The following CEP57 variants were observed in gnomAD, a reference collection of about 807,000 sequenced individuals.
The protein encoded by CEP57 is centrosomal protein 57, also known as centrosomal protein of 57 kDa.
A neutral mutation model predicts 68.0 loss-of-function variants in CEP57; 40 were observed. The observed-to-expected ratio is 0.59, with a 90% CI of 0.46 to 0.77. CEP57 has a LOEUF of 0.77. CEP57 is among the 30% of genes least tolerant of loss of function. CEP57 has a pLI of 0.00. For synonymous variants in CEP57, 219 were observed against 198.7 expected, an observed-to-expected ratio of 1.10 and a Z score of -0.86; for missense variants, 606 against 580.7, an observed-to-expected ratio of 1.04 and a Z score of -0.45.
intron 8 of CEP57, chr11:95,827,229 C>T (rs1862781091): frequency 6.5e-6 from 1 of 153,176 alleles, no homozygotes; most frequent in Non-Finnish European, 1.5e-5. Context: ...TAATTTAGTG[C>T]TTCCTATTAT....
At chr11:95,829,368 T>G (rs1565335545) in intron 10 of CEP57, 37 bp downstream of exon 10, 1 of 1,539,484 alleles carries the variant, frequency 6.5e-7, no homozygotes, top group South Asian at 1.1e-5. Context: ...TTCTAATGAT[T>G]AAGAAAAAAA....
chr11:95,828,778 C>G (rs1433297190), intron 9 of CEP57, among the ~76,000 whole-genome samples: 2 of 152,042 alleles, frequency 1.3e-5, no homozygotes. Flanking sequence ...ATTTCTTGAT[C>G]TAGGCTAGGC....
Position 95,799,265 on chromosome 11 carries a change from AGCAT to A in CEP57, c.81_84del (p.Ser27ArgfsTer10). On this transcript the variant is annotated frameshift_variant, in exon 2 of 11. Coordinates refer to ENST00000325542, the MANE Select transcript of CEP57 (RefSeq NM_014679.5). LOFTEE classifies it high-confidence loss of function. ...TGCTGAGCCATCAAGGTCTAATGGA[AGCAT>A]GGTTCGGCATTCTTCATCTCCATAT... is the stretch of plus-strand genomic sequence containing the variant. The A allele has an allele frequency of 6.2e-7, 1 of 1,614,152 alleles. No homozygotes were observed. Among genetic ancestry groups the A allele is most frequent in the Non-Finnish European group, 8.5e-7 (1 of 1,180,006 alleles).
At chr11:95,821,715 T>C (rs919118877) in intron 6 of CEP57, among the ~76,000 whole-genome samples, 156 bp from the exon 7 acceptor site, 2 of 152,154 alleles carry the variant, frequency 1.3e-5, no homozygotes, top group Non-Finnish European at 2.9e-5. Flanking sequence ...TTGACAAACG[T>C]TGATAGATTG....
chr11:95,826,790 G>T (rs868262595), intron 8 of CEP57: 2 of 152,142 alleles, frequency 1.3e-5, no homozygotes, highest in African/African-American at 4.8e-5. Context: ...TACAAGTTAC[G>T]AGCAAAATAG....
chr11:95,824,198 A>T (rs1200183776), intron 8 of CEP57, among the ~76,000 whole-genome samples: 2 of 151,936 alleles, frequency 1.3e-5, no homozygotes, highest in Non-Finnish European at 2.9e-5. Flanking sequence ...GTAAGCGATG[A>T]TGGCACCACT....
chr11:95,814,224 T>C (rs1011192950), intron 4 of CEP57, among the ~76,000 whole-genome samples: 3 of 149,178 alleles, frequency 2.0e-5, no homozygotes, highest in Non-Finnish European at 4.5e-5. Context: ...AGCTAACTTT[T>C]GTGTGTGTGT....
intron 2 of CEP57, among the ~76,000 whole-genome samples, chr11:95,810,198 T>C (rs1861993726): frequency 6.6e-6 from 1 of 152,140 alleles, no homozygotes; most frequent in Non-Finnish European, 1.5e-5. Context: ...ATGGGACGTA[T>C]CTCAAAACAA....
At chr11:95,799,472 TTAGA>T in intron 2 of CEP57, 84 bp downstream of exon 2, 1 of 1,535,070 alleles carries the variant, frequency 6.5e-7, no homozygotes, top group Non-Finnish European at 9.0e-7. Flanking sequence ...TATTTTGCCA[TTAGA>T]GGAAAATATA....
At chr11:95,818,109 G>T (rs1417852348) in intron 5 of CEP57, 2 of 531,062 alleles carry the variant, frequency 3.8e-6, no homozygotes, top group African/African-American at 1.9e-5. Context: ...GAAAATGTTT[G>T]TTAAAAAATT....
intron 2 of CEP57, among the ~76,000 whole-genome samples, chr11:95,809,485 CAAAT>C (rs1472691149): frequency 6.6e-6 from 1 of 152,108 alleles, no homozygotes; most frequent in East Asian, 1.9e-4. Context: ...CGAGAAGAAT[CAAAT>C]AGATGCAATA....
intron 2 of CEP57, among the ~76,000 whole-genome samples, chr11:95,811,070 C>A (rs1268416368): frequency 6.6e-6 from 1 of 152,176 alleles, no homozygotes; most frequent in Admixed American, 6.5e-5. Flanking sequence ...TTTGACCCAG[C>A]CATCCCATTA....
At chr11:95,804,086 C>T (rs1006989319) in intron 2 of CEP57, among the ~76,000 whole-genome samples, 5 of 152,070 alleles carry the variant, frequency 3.3e-5, no homozygotes, top group African/African-American at 4.8e-5. Context: ...TGAAATTTAT[C>T]AGGTATGACA....
At chr11:95,808,347 G>A (rs1404805051) in intron 2 of CEP57, among the ~76,000 whole-genome samples, 2 of 151,402 alleles carry the variant, frequency 1.3e-5, no homozygotes, top group Non-Finnish European at 2.9e-5. Context: ...ATAATGATAG[G>A]ATCAAATTCA....
At chr11:95,829,381 AC>A in intron 10 of CEP57, 50 bp downstream of exon 10, 1 of 1,555,456 alleles carries the variant, frequency 6.4e-7, no homozygotes, top group South Asian at 1.1e-5. Flanking sequence ...GAAAAAAAAA[AC>A]ACTTTAATTC....
chr11:95,799,221 T>C lies in CEP57; in HGVS notation c.46-11T>C, dbSNP rs1298510341. The C allele has an allele frequency of 1.2e-6, 2 of 1,613,876 alleles. No individual in the cohort carries two copies. Among genetic ancestry groups the C allele is most frequent in the Admixed American group, 3.3e-5 (2 of 60,000 alleles). On this transcript the variant is annotated splice_polypyrimidine_tract_variant and intron_variant, in intron 1 of 10. Coordinates refer to ENST00000325542, the MANE Select transcript of CEP57 (RefSeq NM_014679.5). ...CACTTTTGAAAGGTAATTTGTGTCT[T>C]TATTTTTTAGAACAGCTTTGCTGAG...
At chr11:95,823,077 A>G (rs1862580833) in intron 8 of CEP57, 1 of 169,086 alleles carries the variant, frequency 5.9e-6, no homozygotes, top group Non-Finnish European at 1.3e-5. Context: ...GTCATATATC[A>G]AGTACTGAGT....
rs1353460906 is a variant in CEP57, at chr11:95,790,658, AC to A, written c.-39del. On this transcript the variant is annotated 5_prime_UTR_variant, in exon 1 of 11. Coordinates refer to ENST00000325542, the MANE Select transcript of CEP57 (RefSeq NM_014679.5). ...CTTGGAGAAGAGCACGAGAACCTAG[AC>A]CGCCCCCGAAGTGCGGAGACCCCCT... The A allele has an allele frequency of 6.2e-7, 1 of 1,608,648 alleles. No homozygotes were observed. The highest frequency in any genetic ancestry group is 2.2e-5 in the East Asian group (1 of 44,718).
Position 95,818,855 on chromosome 11 carries a change from T to C in CEP57, c.650T>C (p.Leu217Pro), listed in dbSNP as rs765009552. The C allele has an allele frequency of 1.9e-6, 3 of 1,613,936 alleles. No homozygotes were observed. Among genetic ancestry groups the C allele is most frequent in the Non-Finnish European group, 2.5e-6 (3 of 1,179,914 alleles). The part of the protein sequence containing the change: ...EKKMQELEAK[L>P]HEEEQERKRM... ...AAAATGCAAGAGTTGGAAGCAAAAC[T>C]CCATGAAGAAGAACAGGAAAGGAAA... Residue 217 changes from leucine to proline, a missense_variant, in exon 6 of 11, where the codon CTC becomes CCC. Transcript: ENST00000325542.
Sources: gnomAD v4.1 joint callset for allele counts (sites outside exome capture counted in the v4.1 genomes callset) on GRCh38, gnomAD v4.1.1 for gene constraint, MANE v1.5 for transcripts, NCBI Gene and HGNC (gene_info 2026-07-23, HGNC 2026-07-21) for gene names.